The following SYNPO2 variants were observed in gnomAD, a reference collection of about 807,000 sequenced individuals.
SYNPO2 encodes the protein synaptopodin-2.
In SYNPO2, 56 loss-of-function variants were observed where a neutral mutation model predicts 85.0. The observed-to-expected ratio is 0.66, with a 90% CI of 0.53 to 0.82. The LOEUF (loss-of-function observed/expected upper bound fraction) is 0.82, where lower values mean the gene tolerates loss of function less well. SYNPO2 is among the 40% of genes least tolerant of loss of function. The pLI, the probability that SYNPO2 is intolerant of heterozygous loss-of-function variation, is 0.00. For missense variants in SYNPO2, 1,575 were observed against 1,534.2 expected, an observed-to-expected ratio of 1.03 and a Z score of -0.44; for synonymous variants, 602 against 591.1, an observed-to-expected ratio of 1.02 and a Z score of -0.27.
At position 118,928,862 on chromosome 4, in the gene SYNPO2, G is replaced by A. The variant is rs1054541245; in HGVS notation, c.105+39721G>A. Among the ~76,000 whole-genome samples, 22 of 152,234 alleles carry A rather than the reference G, an allele frequency of 1.4e-4. No individual in the cohort carries two copies. In the South Asian group the frequency reaches 1.9e-3, roughly 13 times the overall value. On this transcript the variant is annotated intron_variant, in intron 1 of 4. Transcript: ENST00000307142. ...CTTCAGAAGCCTTGGGTAATAAATT[G>A]TTTCTTGTTCATGAACTAAGCCACA...
chr4:118,915,941 C>G (rs971498873), intron 1 of SYNPO2, among the ~76,000 whole-genome samples: 1 of 152,008 alleles, frequency 6.6e-6, no homozygotes, highest in Admixed American at 6.6e-5. Context: ...ATGACTACCA[C>G]GTAAATTAAA....
At chr4:118,887,007 A>G (rs1455573065), upstream of SYNPO2, among the ~76,000 whole-genome samples, 2 of 152,154 alleles carry the variant, frequency 1.3e-5, no homozygotes, top group East Asian at 3.8e-4. Context: ...ATTGATGAGA[A>G]AAAAAAATGT....
At chr4:119,033,332 T>C (rs1244762017) in intron 4 of SYNPO2, 1 of 985,332 alleles carries the variant, frequency 1.0e-6, no homozygotes, top group Non-Finnish European at 1.2e-6. Context: ...TTACTATTTG[T>C]ATTCGATGGA....
chr4:118,879,027 G>A (rs887543408), intron 1 of SYNPO2, among the ~76,000 whole-genome samples: 13 of 152,172 alleles, frequency 8.5e-5, no homozygotes, highest in African/African-American at 2.7e-4. Flanking sequence ...CCACAGGGAG[G>A]AATGAACAAC....
intron 1 of SYNPO2, among the ~76,000 whole-genome samples, chr4:118,895,762 T>C (rs1578526913): frequency 6.6e-6 from 1 of 152,332 alleles, no homozygotes; most frequent in Middle Eastern, 3.4e-3. Flanking sequence ...TGCAGTGTCA[T>C]TGTGACATAC....
chr4:118,905,208 C>G (rs1732892083), intron 1 of SYNPO2, among the ~76,000 whole-genome samples: 1 of 152,132 alleles, frequency 6.6e-6, no homozygotes. Flanking sequence ...TTATTTATTC[C>G]ATTATGTTCT....
At chr4:118,925,147 G>A (rs982464980) in intron 1 of SYNPO2, among the ~76,000 whole-genome samples, 6 of 152,142 alleles carry the variant, frequency 3.9e-5, no homozygotes, top group South Asian at 2.1e-4. Context: ...GGAGTGCACC[G>A]AAGTTTTAAG....
intron 1 of SYNPO2, among the ~76,000 whole-genome samples, chr4:118,880,999 G>A (rs1444865723): frequency 1.3e-5 from 2 of 151,698 alleles, no homozygotes; most frequent in South Asian, 4.2e-4. Flanking sequence ...TATGACTGGT[G>A]TTCCTATACG....
chr4:119,035,694 G>A (rs1301298786), intron 4 of SYNPO2: 4 of 984,980 alleles, frequency 4.1e-6, no homozygotes, highest in Non-Finnish European at 3.6e-6. Flanking sequence ...TTTAAAATAA[G>A]CCCAGGTTAT....
At chr4:118,868,508 T>G (rs1226034952) in intron 1 of SYNPO2, among the ~76,000 whole-genome samples, 1 of 152,220 alleles carries the variant, frequency 6.6e-6, no homozygotes, top group Non-Finnish European at 1.5e-5. Context: ...GAAATCTGCC[T>G]TTTATTTAAA....
Position 118,858,383 on chromosome 4 carries a change from T to G in SYNPO2, c.12+7443T>G, listed in dbSNP as rs10028738. Among the ~76,000 whole-genome samples the G allele has an allele frequency of 1.1e-3, 161 of 152,360 alleles. 2 individuals carry two copies. Among genetic ancestry groups the G allele is most frequent in the African/African-American group, 3.8e-3 (156 of 41,592 alleles). ...GAACTTTCAACACTTTAATGCATGT[T>G]ATCACCTCACAATTTCTGATATGGC... On this transcript the variant is annotated intron_variant, in intron 1 of 4. Transcript: ENST00000610556.
intron 4 of SYNPO2, among the ~76,000 whole-genome samples, chr4:119,048,816 T>C (rs1738951556): frequency 6.6e-6 from 1 of 152,180 alleles, no homozygotes; most frequent in Non-Finnish European, 1.5e-5. Flanking sequence ...TGCAAGGAGC[T>C]AGTTGGCAGA....
chr4:119,017,604 T>C (rs1737572181), intron 1 of SYNPO2, among the ~76,000 whole-genome samples: 3 of 152,130 alleles, frequency 2.0e-5, no homozygotes, highest in Admixed American at 2.0e-4. Flanking sequence ...ATCTCTCTCA[T>C]CCTCTCTTAG....
chr4:118,878,960 G>A (rs942414982), intron 1 of SYNPO2, among the ~76,000 whole-genome samples: 2 of 152,198 alleles, frequency 1.3e-5, no homozygotes, highest in African/African-American at 4.8e-5. Context: ...TCTAAGAGCT[G>A]TAACACTCAC....
intron 1 of SYNPO2, among the ~76,000 whole-genome samples, chr4:118,889,754 T>C (rs1732301329): frequency 6.6e-6 from 1 of 152,212 alleles, no homozygotes. Context: ...GGTCAAGATC[T>C]CAAAAATAAA....
chr4:118,924,029 A>G (rs1217096172), intron 1 of SYNPO2, among the ~76,000 whole-genome samples: 1 of 152,186 alleles, frequency 6.6e-6, no homozygotes, highest in East Asian at 1.9e-4. Flanking sequence ...GTTTCAATAC[A>G]TATGTAGTTG....
chr4:119,037,142 GA>G, intron 4 of SYNPO2: 1 of 1,545,156 alleles, frequency 6.5e-7, no homozygotes, highest in African/African-American at 1.4e-5. Flanking sequence ...CCATAGTCAA[GA>G]TATCATAAGG....
At chr4:119,026,483 T>C (rs764274928) in intron 2 of SYNPO2, 144 bp from the exon 3 acceptor site, 40 of 875,776 alleles carry the variant, frequency 4.6e-5, no homozygotes, top group Non-Finnish European at 5.7e-5. Flanking sequence ...TGCCACCTTC[T>C]GTTTTCAAAT....
intron 1 of SYNPO2, among the ~76,000 whole-genome samples, chr4:118,868,858 A>G (rs7679385): frequency 0.27 from 41,752 of 152,014 alleles, 7,429 homozygotes; most frequent in African/African-American, 0.5. Context: ...AAAATGGCCT[A>G]AGTGACCTCC....
Sources: allele counts gnomAD v4.1 joint callset (sites outside exome capture counted in the v4.1 genomes callset), GRCh38; gene constraint gnomAD v4.1.1; transcripts MANE v1.5; gene names NCBI Gene and HGNC (gene_info 2026-07-23, HGNC 2026-07-21).